The following CLTC variants were observed in gnomAD, a reference collection of about 807,000 sequenced individuals.
The protein encoded by CLTC is clathrin heavy chain 1.
Under a neutral mutation model 195.8 loss-of-function variants are expected in CLTC, and 16 were observed. That is an observed-to-expected ratio of 0.08 (90% CI 0.06 to 0.12). The LOEUF (loss-of-function observed/expected upper bound fraction) is 0.12, where lower values mean the gene tolerates loss of function less well. Among genes scored for constraint, CLTC ranks in the 10% least tolerant of loss-of-function variants. CLTC has a pLI of 1.00. For synonymous variants in CLTC, 667 were observed against 689.4 expected, an observed-to-expected ratio of 0.97 and a Z score of 0.51; for missense variants, 796 against 2,027.0, an observed-to-expected ratio of 0.39 and a Z score of 11.66.
Position 59,663,925 on chromosome 17 carries a change from C to G in CLTC, c.1452C>G (p.Val484=), listed in dbSNP as rs770198821. The change falls in exon 9 of 32, where the codon GTC becomes GTG. Residue 484 remains valine, a synonymous_variant. Transcript: ENST00000269122. ...LALSVYLRAN[V]PNKVIQCFAE... is the part of the protein sequence containing the mutation. ...TTAGTGTGTACCTAAGGGCTAACGTCCCAAATAAAGTCATTCAGTGCTTTG... is the reference window on the plus strand; with the variant it reads ...TTAGTGTGTACCTAAGGGCTAACGTGCCAAATAAAGTCATTCAGTGCTTTG... 5.0e-6 allele frequency: 8 copies of G among 1,613,862 alleles called. No homozygotes were observed. In the East Asian group the frequency reaches 1.8e-4, roughly 36 times the overall value.
chr17:59,678,809 T>C (rs1368517038), intron 17 of CLTC, among the ~76,000 whole-genome samples: 8 of 151,960 alleles, frequency 5.3e-5, no homozygotes, highest in Admixed American at 3.9e-4. Flanking sequence ...GAAACCAGCC[T>C]GGGCAACATA....
chr17:59,640,052 G>T (rs561560113), intron 1 of CLTC, among the ~76,000 whole-genome samples: 2 of 152,108 alleles, frequency 1.3e-5, no homozygotes, highest in Non-Finnish European at 2.9e-5. Flanking sequence ...GTTACTATGT[G>T]CTGTTTTGAA....
chr17:59,694,225 A>G lies in CLTC; in HGVS notation c.*373A>G. 4.5e-6 allele frequency: 1 copy of G among 223,084 alleles called. No individual in the cohort carries two copies. Among genetic ancestry groups the G allele is most frequent in the South Asian group, 1.7e-4 (1 of 5,734 alleles). 13.8% of individuals were successfully genotyped at this position (223,084 alleles called of 1,614,324 possible). On this transcript the variant is annotated 3_prime_UTR_variant, in exon 32 of 32. Coordinates refer to ENST00000269122, the MANE Select transcript of CLTC (RefSeq NM_004859.4). ...TGAATCTCTTAAATTTAGTGTATGT[A>G]AACAGCTTACAAATACGTATTGTCT... is the stretch of plus-strand genomic sequence containing the variant.
chr17:59,677,242 C>T, intron 17 of CLTC, 54 bp downstream of exon 17: 4 of 1,378,238 alleles, frequency 2.9e-6, no homozygotes, highest in Non-Finnish European at 4.1e-6. Context: ...AAACCTGTTA[C>T]ATGAGAGTTT....
At chr17:59,671,411 T>G (rs1309572955) in intron 14 of CLTC, among the ~76,000 whole-genome samples, 2 of 152,274 alleles carry the variant, frequency 1.3e-5, no homozygotes, top group Non-Finnish European at 1.5e-5. Context: ...TTTACTGGTG[T>G]TGTAAGTAAA....
At position 59,681,529 on chromosome 17, in the gene CLTC, G is replaced by T. The variant is rs2033081084; in HGVS notation, c.3249+51G>T. The T allele has an allele frequency of 6.3e-7, 1 of 1,595,484 alleles. No individual in the cohort carries two copies. Among genetic ancestry groups the T allele is most frequent in the Non-Finnish European group, 8.6e-7 (1 of 1,165,866 alleles). Reference sequence around the variant, plus strand: ...AATTACTAAACACTGTGCTATGAGGGTGGGCCTAATTGGTTGCTACGGCAA... The same window carrying T: ...AATTACTAAACACTGTGCTATGAGGTTGGGCCTAATTGGTTGCTACGGCAA... On this transcript the variant is annotated intron_variant, in intron 20 of 31. Coordinates refer to ENST00000269122, the MANE Select transcript of CLTC (RefSeq NM_004859.4). This position sits in a 1 kb window ranked among gnomAD's most constrained non-coding sequence, Gnocchi z 5.0.
intron 1 of CLTC, among the ~76,000 whole-genome samples, chr17:59,639,507 T>C (rs1341600110): frequency 6.6e-6 from 1 of 152,184 alleles, no homozygotes; most frequent in African/African-American, 2.4e-5. Context: ...GCTTCAACAC[T>C]AATGGCATTT....
In CLTC at chr17:59,690,633, C is replaced by T. The variant is rs1249765245; in HGVS notation, c.4828-3C>T. On this transcript the variant is annotated splice_region_variant and splice_polypyrimidine_tract_variant and intron_variant, in intron 30 of 31. Transcript: ENST00000269122. ...CTAATTAACATGATGTGTTTTTCTC[C>T]AGGTGGATAAATTAGATGCTTCAGA... The T allele has an allele frequency of 6.2e-7, 1 of 1,606,564 alleles. No homozygotes were observed. The highest frequency in any genetic ancestry group is 8.5e-7 in the Non-Finnish European group (1 of 1,175,596).
chr17:59,682,613 A>G lies in CLTC; in HGVS notation c.3601-16A>G. 6.2e-7 allele frequency: 1 copy of G among 1,612,464 alleles called. No homozygotes were observed. On this transcript the variant is annotated splice_polypyrimidine_tract_variant and intron_variant, in intron 22 of 31. Transcript: ENST00000269122. This position sits in a 1 kb window ranked among gnomAD's most constrained non-coding sequence, Gnocchi z 6.8. Reference sequence around the variant, plus strand: ...ACTAATATCTTGCTGAATGTGGGTTACCTTTTTTTTTCCAGGTTGGTGACC... The same window carrying G: ...ACTAATATCTTGCTGAATGTGGGTTGCCTTTTTTTTTCCAGGTTGGTGACC...
Position 59,666,652 on chromosome 17 carries a change from A to C in CLTC, c.1947+8A>C. 1.2e-6 allele frequency: 2 copies of C among 1,606,504 alleles called. No homozygotes were observed. Among genetic ancestry groups the C allele is most frequent in the Non-Finnish European group, 1.7e-6 (2 of 1,174,810 alleles). On this transcript the variant is annotated splice_region_variant and intron_variant, in intron 12 of 31. Transcript: ENST00000269122. This position sits in a 1 kb window ranked among gnomAD's most constrained non-coding sequence, Gnocchi z 4.9. ...CATCTTCTTAACCCTGAGGTATTTC[A>C]GTTTCTTACCTAATAGATGGTGTTA...
chr17:59,666,648 T>C lies in CLTC; in HGVS notation c.1947+4T>C. ...CACCCATCTTCTTAACCCTGAGGTA[T>C]TTCAGTTTCTTACCTAATAGATGGT... On this transcript the variant is annotated splice_donor_region_variant and intron_variant, in intron 12 of 31. Transcript: ENST00000269122. This position sits in a 1 kb window ranked among gnomAD's most constrained non-coding sequence, Gnocchi z 4.9. 1 of 1,607,088 alleles carries C rather than the reference T, an allele frequency of 6.2e-7. No homozygotes were observed. Among genetic ancestry groups the C allele is most frequent in the Non-Finnish European group, 8.5e-7 (1 of 1,175,214 alleles).
At position 59,647,611 on chromosome 17, in the gene CLTC, A is replaced by G; in HGVS notation, c.464A>G (p.Asn155Ser). The change falls in exon 3 of 32, where the codon AAT becomes AGT. Residue 155 changes from asparagine (N) to serine (S), a missense_variant. Asn to Ser is a conservative substitution (Grantham distance 46). Coordinates refer to ENST00000269122, the MANE Select transcript of CLTC (RefSeq NM_004859.4). ...HSSLAGCQII[N>S]YRTDAKQKWL... ...AGCCTTGCAGGGTGCCAGATTATCA[A>G]TTACCGTACAGATGCAAAACAAAAG... 4 of 1,614,104 alleles carry G rather than the reference A, an allele frequency of 2.5e-6. No homozygotes were observed. The highest frequency in any genetic ancestry group is 3.4e-6 in the Non-Finnish European group (4 of 1,179,996).
At chr17:59,624,749 A>T (rs1031243915) in intron 1 of CLTC, among the ~76,000 whole-genome samples, 2 of 151,936 alleles carry the variant, frequency 1.3e-5, no homozygotes, top group Non-Finnish European at 2.9e-5. Context: ...GATTATAGGC[A>T]TGAGCTGCTG....
chr17:59,641,268 G>A (rs2032023456), intron 1 of CLTC, among the ~76,000 whole-genome samples: 1 of 152,048 alleles, frequency 6.6e-6, no homozygotes, highest in African/African-American at 2.4e-5. Context: ...ACATTCACTA[G>A]TAGAGGCTGA....
chr17:59,678,830 C>T lies in CLTC; in HGVS notation c.2797-567C>T, dbSNP rs1407411283. On this transcript the variant is annotated intron_variant, in intron 17 of 31. Transcript: ENST00000269122. ...AGCCTGGGCAACATAGCGAGCCCCC[C>T]GTCTCTACAAAAAATTACATGATTA... Among the ~76,000 whole-genome samples the T allele has an allele frequency of 3.6e-5, 5 of 137,184 alleles. No individual in the cohort carries two copies. In the South Asian group the frequency reaches 7.5e-4, roughly 21 times the overall value. 90.0% of individuals were successfully genotyped at this position (137,184 alleles called of 152,430 possible).
chr17:59,664,134 C>A, intron 9 of CLTC, 140 bp downstream of exon 9: 1 of 711,862 alleles, frequency 1.4e-6, no homozygotes, highest in Non-Finnish European at 2.2e-6. Flanking sequence ...AATTCTCTTA[C>A]CCCTCATATC....
intron 1 of CLTC, among the ~76,000 whole-genome samples, chr17:59,642,504 C>G (rs902172980): frequency 6.6e-6 from 1 of 152,054 alleles, no homozygotes; most frequent in Non-Finnish European, 1.5e-5. Context: ...AATGTTTTCT[C>G]CAATTATCGG....
intron 1 of CLTC, among the ~76,000 whole-genome samples, chr17:59,641,603 CAAAAAAAAAAAAA>C (rs34208843): frequency 2.0e-5 from 1 of 48,848 alleles, no homozygotes; most frequent in Non-Finnish European, 3.4e-5. Flanking sequence ...GACTCCATCT[CAAAAAAAAAAAAA>C]AAAAAAAAAA....
intron 7 of CLTC, among the ~76,000 whole-genome samples, chr17:59,660,883 T>C (rs1396364889): frequency 6.6e-6 from 1 of 152,202 alleles, no homozygotes; most frequent in African/African-American, 2.4e-5. Flanking sequence ...CTGTTTGACC[T>C]CATAAATGAT....
Sources: allele counts gnomAD v4.1 joint callset (sites outside exome capture counted in the v4.1 genomes callset), GRCh38; gene constraint gnomAD v4.1.1; non-coding constraint Gnocchi (gnomAD v3.1); transcripts MANE v1.5; gene names NCBI Gene and HGNC (gene_info 2026-07-23, HGNC 2026-07-21).